The following CARD10 variants were observed in gnomAD, a reference collection of about 807,000 sequenced individuals.
CARD10 encodes caspase recruitment domain-containing protein 10.
CARD10 carries 49 observed loss-of-function variants against 114.6 expected under a neutral mutation model. The ratio of observed to expected loss-of-function variants is 0.43; its 90% CI spans 0.34 to 0.54. The LOEUF is 0.54. CARD10 is among the 20% of genes least tolerant of loss of function. The pLI, the probability that CARD10 is intolerant of heterozygous loss-of-function variation, is 0.03. For missense variants in CARD10, 1,206 were observed against 1,397.2 expected (o/e 0.86, Z 2.18); for synonymous variants, 602 against 593.2 (o/e 1.01, Z -0.21).
chr22:37,515,891 T>C, intron 3 of CARD10, 82 bp downstream of exon 3: 1 of 1,159,818 alleles, frequency 8.6e-7, no homozygotes, highest in Non-Finnish European at 1.2e-6. Context: ...CAATGGTGGC[T>C]CTGGGACACA....
intron 11 of CARD10, among the ~76,000 whole-genome samples, chr22:37,499,354 A>C (rs1923129642): frequency 6.6e-6 from 1 of 152,126 alleles, no homozygotes; most frequent in Non-Finnish European, 1.5e-5. Context: ...CTAGACATTT[A>C]CTGGCATCAG....
At chr22:37,509,151 C>G (rs1282581761) in intron 4 of CARD10, 10 of 1,473,324 alleles carry the variant, frequency 6.8e-6, no homozygotes, top group Non-Finnish European at 8.2e-6. Context: ...GCCAAGTGCC[C>G]CAACCCCATG....
In CARD10 at chr22:37,496,125, T is replaced by C; in HGVS notation, c.2060-122A>G. 7.9e-7 allele frequency: 1 copy of C among 1,265,190 alleles called. No individual in the cohort carries two copies. Among genetic ancestry groups the C allele is most frequent in the Admixed American group, 2.4e-5 (1 of 41,424 alleles). The allele number at this position is 1,265,190 out of a possible 1,614,324, so 78.4% of individuals were successfully genotyped here. Reference sequence around the variant, plus strand: ...AGGCCTGAGTTCCCAGGACCCGACCTTCACCTTCTTAGAATGACTTAGGTC... The same window carrying C: ...AGGCCTGAGTTCCCAGGACCCGACCCTCACCTTCTTAGAATGACTTAGGTC... On this transcript the variant is annotated intron_variant, in intron 13 of 19. Transcript: ENST00000251973. The surrounding 1 kb of genome is among the most constrained non-coding windows in gnomAD (Gnocchi z 4.1).
chr22:37,494,404 C>T, intron 15 of CARD10: 1 of 578,796 alleles, frequency 1.7e-6, no homozygotes, highest in Non-Finnish European at 3.1e-6. Flanking sequence ...AGCAGCCATC[C>T]CTGTGGCCCC....
rs377009692 is a variant in CARD10 at position 37,492,762 on chromosome 22, C to T, written c.2517G>A (p.Pro839=). Reference sequence around the variant, plus strand: ...CGGGCCGCAGGGCAGACACCAGTAGCGGCCGCACCAAACTGTAGGGTCTGA... The same window carrying T: ...CGGGCCGCAGGGCAGACACCAGTAGTGGCCGCACCAAACTGTAGGGTCTGA... The part of the protein sequence containing the change: ...RSLRPYSLVR[P]LLVSALRPVV... The change falls in exon 17 of 20, where the codon CCG becomes CCA. Residue 839 remains proline, a synonymous_variant. Transcript: ENST00000251973. The surrounding 1 kb of genome is among the most constrained non-coding windows in gnomAD (Gnocchi z 5.7). The T allele has an allele frequency of 1.7e-3, 2,695 of 1,612,794 alleles. 40 individuals are homozygous for T. The South Asian group carries it at 0.028, about 17-fold the overall frequency.
At chr22:37,499,771 CA>C (rs1923145357) in intron 11 of CARD10, among the ~76,000 whole-genome samples, 1 of 152,080 alleles carries the variant, frequency 6.6e-6, no homozygotes, top group African/African-American at 2.4e-5. Flanking sequence ...GGGGCTTGCC[CA>C]GAGCAGGGTC....
At chr22:37,507,192 A>G (rs1489117701) in intron 6 of CARD10, among the ~76,000 whole-genome samples, 1 of 152,232 alleles carries the variant, frequency 6.6e-6, no homozygotes, top group Non-Finnish European at 1.5e-5. Context: ...CAGGAGAATC[A>G]CTTGAATCTG....
rs1330137720 is a variant in CARD10, at chr22:37,492,600, C to T, written c.2635+44G>A. The T allele has an allele frequency of 6.2e-7, 1 of 1,609,004 alleles. No homozygotes were observed. On this transcript the variant is annotated intron_variant, in intron 17 of 19. Transcript: ENST00000251973. This position sits in a 1 kb window ranked among gnomAD's most constrained non-coding sequence, Gnocchi z 5.7. ...GATGAAGGATCCATGGGCCCGGCTGCCCAGAGGGGCACCCAGCCTCCCCTC... is the reference window on the plus strand; with the variant it reads ...GATGAAGGATCCATGGGCCCGGCTGTCCAGAGGGGCACCCAGCCTCCCCTC...
At position 37,496,385 on chromosome 22, in the gene CARD10, C is replaced by A; in HGVS notation, c.2059+64G>T. ...CTCAGGTCCTTGGTCCCTCCCCACC[C>A]CATGCACCACGGGTTAGAGGACCCC... On this transcript the variant is annotated intron_variant, in intron 13 of 19. Coordinates refer to ENST00000251973, the MANE Select transcript of CARD10 (RefSeq NM_014550.4). The surrounding 1 kb of genome is among the most constrained non-coding windows in gnomAD (Gnocchi z 4.1). The A allele has an allele frequency of 8.2e-7, 1 of 1,217,196 alleles. No homozygotes were observed. The highest frequency in any genetic ancestry group is 1.5e-5 in the African/African-American group (1 of 66,220). 75.4% of individuals were successfully genotyped at this position (1,217,196 alleles called of 1,614,324 possible).
At chr22:37,494,862 G>C (rs1343607641) in intron 15 of CARD10, among the ~76,000 whole-genome samples, 1 of 152,228 alleles carries the variant, frequency 6.6e-6, no homozygotes, top group Non-Finnish European at 1.5e-5. Context: ...TCCTTTATCT[G>C]ATGGCTCTGA....
rs1034158099 is a variant in CARD10 at position 37,504,252 on chromosome 22, G to A, written c.1568C>T (p.Pro523Leu). The A allele has an allele frequency of 6.3e-7, 1 of 1,580,590 alleles. No homozygotes were observed. The highest frequency in any genetic ancestry group is 8.6e-7 in the Non-Finnish European group (1 of 1,162,598). Reference protein sequence around the residue: ...EKEINRLSILPFPPSAGSILR... With the variant: ...EKEINRLSILLFPPSAGSILR... Reference sequence around the variant, plus strand: ...GATGGAGCCGGCACTGGGGGGGAAGGGCAGGATGGAGAGCCGATTGATCTC... The same window carrying A: ...GATGGAGCCGGCACTGGGGGGGAAGAGCAGGATGGAGAGCCGATTGATCTC... The change falls in exon 9 of 20, where the codon CCC becomes CTC. Residue 523 changes from proline to leucine, a missense_variant. Coordinates refer to ENST00000251973, the MANE Select transcript of CARD10 (RefSeq NM_014550.4).
Position 37,491,860 on chromosome 22 carries a change from C to G in CARD10, c.2759G>C (p.Cys920Ser). The G allele has an allele frequency of 6.2e-7, 1 of 1,605,704 alleles. No individual in the cohort carries two copies. The highest frequency in any genetic ancestry group is 1.3e-5 in the African/African-American group (1 of 74,730). Residue 920 changes from cysteine to serine, a missense_variant, in exon 19 of 20, where the codon TGC (cysteine) becomes TCC (serine). Transcript: ENST00000251973. Reference protein sequence around the residue: ...AIQESVGKKHCLLELGARGVR... With the variant: ...AIQESVGKKHSLLELGARGVR... The stretch of plus-strand genomic sequence containing the variant: ...ACCCCGAGCACCCAGCTCCAGCAGG[C>G]AGTGCTTCTGCTTGGAGGATCGAGG...
At position 37,491,883 on chromosome 22, in the gene CARD10, AGGCTACAATGTACTCCTG is replaced by A; in HGVS notation, c.2752-34_2752-17del. On this transcript the variant is annotated splice_polypyrimidine_tract_variant and intron_variant, in intron 18 of 19. Coordinates refer to ENST00000251973, the MANE Select transcript of CARD10 (RefSeq NM_014550.4). ...GGCAGTGCTTCTGCTTGGAGGATCG[AGGCTACAATGTACTCCTG>A]GGCCACAGACATCAGCCTCCCATGC... The A allele has an allele frequency of 6.4e-7, 1 of 1,570,224 alleles. No individual in the cohort carries two copies. The highest frequency in any genetic ancestry group is 8.7e-7 in the Non-Finnish European group (1 of 1,148,958).
Position 37,496,855 on chromosome 22 carries a change from T to G in CARD10, c.1947+164A>C. On this transcript the variant is annotated intron_variant, in intron 12 of 19. Coordinates refer to ENST00000251973, the MANE Select transcript of CARD10 (RefSeq NM_014550.4). This position sits in a 1 kb window ranked among gnomAD's most constrained non-coding sequence, Gnocchi z 4.1. ...AGTCCCTGCCCAATCAGACTTCAAT[T>G]AAGCCTGGCTGAGCAGGCAACCACA... is the stretch of plus-strand genomic sequence containing the variant. The G allele has an allele frequency of 1.2e-6, 1 of 850,140 alleles. No individual in the cohort carries two copies. Among genetic ancestry groups the G allele is most frequent in the Non-Finnish European group, 1.8e-6 (1 of 545,054 alleles). The allele number at this position is 850,140 out of a possible 1,614,324, so 52.7% of individuals were successfully genotyped here. A position where few individuals can be genotyped will look rare whatever the true frequency, so the allele number is the denominator to read the frequency against.
chr22:37,505,449 C>T (rs535632900), intron 7 of CARD10, among the ~76,000 whole-genome samples: 2 of 152,038 alleles, frequency 1.3e-5, no homozygotes, highest in Non-Finnish European at 2.9e-5. Context: ...GCAGGAGGAT[C>T]CCTTGAGGTC....
At chr22:37,493,201 T>TA (rs1289371451) in intron 16 of CARD10, among the ~76,000 whole-genome samples, 3 of 152,068 alleles carry the variant, frequency 2.0e-5, no homozygotes, top group Non-Finnish European at 2.9e-5. Context: ...CAGCCTCCAC[T>TA]CTCCCTTCAG....
chr22:37,508,556 G>A lies in CARD10; in HGVS notation c.1036C>T (p.Leu346=). 1 of 1,597,818 alleles carries A rather than the reference G, an allele frequency of 6.3e-7. No individual in the cohort carries two copies. The highest frequency in any genetic ancestry group is 8.5e-7 in the Non-Finnish European group (1 of 1,178,304). The change falls in exon 5 of 20, where the codon CTG becomes TTG. Residue 346 remains leucine, a synonymous_variant. Coordinates refer to ENST00000251973, the MANE Select transcript of CARD10 (RefSeq NM_014550.4). ...TCGCGCAGCTCCTCGGCCCACTGCA[G>A]CTCCCCCTGCACGGCATGCAGCTTC... ...CQKLHAVQGE[L]QWAEELRDQY...
intron 3 of CARD10, among the ~76,000 whole-genome samples, chr22:37,512,486 C>T (rs866417622): frequency 0.062 from 8,900 of 144,448 alleles, 454 homozygotes; most frequent in African/African-American, 0.079. Flanking sequence ...CACACACACA[C>T]ACACACACAC....
rs1220296561 is a variant in CARD10, at chr22:37,491,841, A to C, written c.2778T>G (p.Ala926=). 3.2e-6 allele frequency: 5 copies of C among 1,562,692 alleles called. No homozygotes were observed. The highest frequency in any genetic ancestry group is 4.3e-6 in the Non-Finnish European group (5 of 1,150,880). The change falls in exon 19 of 20, where the codon GCT becomes GCG. Residue 926 remains alanine, a synonymous_variant. Transcript: ENST00000251973. ...GKKHCLLELG[A]RGVRELVQNE... ...TCTGCACCAGCTCCCGCACACCCCG[A>C]GCACCCAGCTCCAGCAGGCAGTGCT...
Sources: allele counts gnomAD v4.1 joint callset (sites outside exome capture counted in the v4.1 genomes callset), GRCh38; gene constraint gnomAD v4.1.1; non-coding constraint Gnocchi (gnomAD v3.1); transcripts MANE v1.5; gene names NCBI Gene and HGNC (gene_info 2026-07-23, HGNC 2026-07-21).